DNAH9: variants seen among roughly 807,000 people sequenced by gnomAD.
The protein encoded by DNAH9 is dynein axonemal heavy chain 9, also known as DNAH9 variant protein.
A neutral mutation model predicts 471.6 loss-of-function variants in DNAH9; 345 were observed. The ratio of observed to expected loss-of-function variants is 0.73; its 90% confidence interval spans 0.67 to 0.80. The LOEUF (loss-of-function observed/expected upper bound fraction) is 0.80. Ranked by LOEUF, DNAH9 falls within the 30% of genes least tolerant of loss-of-function variation. The pLI, the probability that DNAH9 is intolerant of heterozygous loss-of-function variation, is 0.00. For synonymous variants in DNAH9, 2,093 were observed against 2,123.6 expected (o/e 0.99, Z 0.40); for missense variants, 5,407 against 5,609.2 (o/e 0.96, Z 1.15).
At chr17:11,943,886 T>A (rs1346029113) in intron 67 of DNAH9, among the ~76,000 whole-genome samples, 1 of 151,444 alleles carries the variant, frequency 6.6e-6, no homozygotes, top group Non-Finnish European at 1.5e-5. Flanking sequence ...TTTCACAGAG[T>A]AAATAAGAAC....
At chr17:11,655,891 C>CAT (rs2073635106) in intron 14 of DNAH9, among the ~76,000 whole-genome samples, 1 of 146,988 alleles carries the variant, frequency 6.8e-6, no homozygotes, top group Middle Eastern at 3.5e-3. Flanking sequence ...TATATATATA[C>CAT]ATATATATAC....
chr17:11,643,935 A>C (rs1412746236), intron 10 of DNAH9, among the ~76,000 whole-genome samples: 1 of 152,176 alleles, frequency 6.6e-6, no homozygotes, highest in Non-Finnish European at 1.5e-5. Context: ...ATAAGGCATA[A>C]AAGATTTAAA....
chr17:11,794,898 G>T (rs893878005), intron 42 of DNAH9, among the ~76,000 whole-genome samples: 24 of 146,666 alleles, frequency 1.6e-4, no homozygotes, highest in African/African-American at 5.1e-5. Flanking sequence ...CACAGGAAGG[G>T]GAACATCACA....
chr17:11,747,855 C>A, intron 32 of DNAH9, 89 bp downstream of exon 32: 2 of 1,201,958 alleles, frequency 1.7e-6, no homozygotes, highest in South Asian at 1.3e-5. Flanking sequence ...ATTGCAGAAG[C>A]AAACATTGGA....
chr17:11,739,628 A>G (rs2075402695), intron 29 of DNAH9, among the ~76,000 whole-genome samples: 1 of 152,210 alleles, frequency 6.6e-6, no homozygotes, highest in Non-Finnish European at 1.5e-5. Context: ...AAAGAGTAGT[A>G]CCAAATTACA....
chr17:11,918,711 C>A (rs903081344), intron 61 of DNAH9, among the ~76,000 whole-genome samples: 1 of 152,088 alleles, frequency 6.6e-6, no homozygotes, highest in East Asian at 1.9e-4. Flanking sequence ...GAGGGCCGGG[C>A]GCAGTGGCTC....
intron 51 of DNAH9, 116 bp from the exon 52 acceptor site, chr17:11,871,482 A>G (rs1333439564): frequency 1.1e-6 from 1 of 894,438 alleles, no homozygotes; most frequent in Non-Finnish European, 1.8e-6. Context: ...CATATAAGTG[A>G]TATTCTGCCT....
At chr17:11,624,651 C>G (rs190411295) in intron 6 of DNAH9, among the ~76,000 whole-genome samples, 1 of 152,342 alleles carries the variant, frequency 6.6e-6, no homozygotes, top group African/African-American at 2.4e-5. Flanking sequence ...AGGGGGACAG[C>G]TGGTTCCAAG....
intron 61 of DNAH9, among the ~76,000 whole-genome samples, chr17:11,916,426 T>A (rs548380773): frequency 6.6e-6 from 1 of 152,254 alleles, no homozygotes; most frequent in Non-Finnish European, 1.5e-5. Flanking sequence ...CCTTCCTCCC[T>A]GCCTTCTTGG....
chr17:11,643,677 A>G (rs546041473), intron 10 of DNAH9, among the ~76,000 whole-genome samples: 35 of 152,300 alleles, frequency 2.3e-4, no homozygotes, highest in African/African-American at 6.7e-4. Context: ...AATACGCTCT[A>G]TGATCAACAC....
chr17:11,762,767 T>TTTTTTTTTG (rs1460528522), intron 35 of DNAH9, among the ~76,000 whole-genome samples: 1 of 77,560 alleles, frequency 1.3e-5, no homozygotes, highest in Non-Finnish European at 3.0e-5. Flanking sequence ...CGTTTTTTTT[T>TTTTTTTTTG]TTGTTTTTTT....
At position 11,742,207 on chromosome 17, in the gene DNAH9, T is replaced by C; in HGVS notation, c.6005T>C (p.Leu2002Ser). The C allele has an allele frequency of 6.2e-7, 1 of 1,614,134 alleles. No homozygotes were observed. Among genetic ancestry groups the C allele is most frequent in the Non-Finnish European group, 8.5e-7 (1 of 1,179,984 alleles). ...GCAATGGTGGTTCCAGACTTTGAAT[T>C]GATCTGTGAAATCATGCTGGTGGCA... is the stretch of plus-strand genomic sequence containing the variant. ...PCAMVVPDFE[L>S]ICEIMLVAEG... is the part of the protein sequence containing the mutation. Residue 2002 changes from leucine to serine, a missense_variant, in exon 30 of 69, where the codon TTG (leucine) becomes TCG (serine). Leu to Ser is a moderately radical substitution (Grantham distance 145, BLOSUM62 -2). Around this residue, in one of 3 missense-constraint regions of DNAH9, gnomAD observed 4,636 missense variants for 4,900.3 expected, o/e 0.95. Transcript: ENST00000262442.
intron 1 of DNAH9, among the ~76,000 whole-genome samples, chr17:11,600,926 A>G (rs959511462): frequency 6.6e-6 from 1 of 152,230 alleles, no homozygotes; most frequent in African/African-American, 2.4e-5. Context: ...TGCCCCGTCC[A>G]GCATCACTGA....
chr17:11,898,411 G>A (rs904281376), intron 59 of DNAH9, among the ~76,000 whole-genome samples: 7 of 152,298 alleles, frequency 4.6e-5, no homozygotes, highest in Non-Finnish European at 7.4e-5. Flanking sequence ...GTGAGCCGCC[G>A]CGCCTGGCCC....
intron 33 of DNAH9, among the ~76,000 whole-genome samples, chr17:11,754,404 C>T (rs972242682): frequency 9.9e-5 from 15 of 152,120 alleles, no homozygotes; most frequent in Admixed American, 5.2e-4. Context: ...GGCACCATAC[C>T]GCTTTCCACA....
At chr17:11,786,505 G>A (rs1029535941) in intron 41 of DNAH9, among the ~76,000 whole-genome samples, 1 of 152,156 alleles carries the variant, frequency 6.6e-6, no homozygotes, top group Non-Finnish European at 1.5e-5. Context: ...CATTGACTGA[G>A]CACAGTGCTA....
At chr17:11,844,282 A>T (rs1236326681) in intron 49 of DNAH9, among the ~76,000 whole-genome samples, 2 of 152,194 alleles carry the variant, frequency 1.3e-5, no homozygotes, top group Non-Finnish European at 2.9e-5. Context: ...TGCATTAAAT[A>T]GAAGTTTAAT....
intron 1 of DNAH9, among the ~76,000 whole-genome samples, chr17:11,606,448 C>CTTTTTTTTTTTTTT (rs1156988834): frequency 4.1e-5 from 4 of 97,028 alleles, no homozygotes; most frequent in African/African-American, 1.8e-4. Flanking sequence ...CTTTTCTTTT[C>CTTTTTTTTTTTTTT]TTTTCTTTTT....
chr17:11,849,511 T>C (rs567678063), intron 49 of DNAH9, among the ~76,000 whole-genome samples: 2 of 152,226 alleles, frequency 1.3e-5, no homozygotes, highest in Non-Finnish European at 2.9e-5. Context: ...CTCTCTGGAC[T>C]GTCCTCCCCA....
Sources: allele counts gnomAD v4.1 joint callset (sites outside exome capture counted in the v4.1 genomes callset), GRCh38; gene constraint gnomAD v4.1.1; regional missense constraint gnomAD v4.1.1; transcripts MANE v1.5; gene names NCBI Gene and HGNC (gene_info 2026-07-23, HGNC 2026-07-21).